The following SACS variants were observed in gnomAD, a reference collection of about 807,000 sequenced individuals.
The protein encoded by SACS is sacsin molecular chaperone.
SACS carries 197 observed loss-of-function variants against 348.0 expected under a neutral mutation model. The observed-to-expected ratio is 0.57, with a 90% CI of 0.50 to 0.64. The LOEUF (loss-of-function observed/expected upper bound fraction) is 0.64. SACS is among the 30% of genes least tolerant of loss of function. The probability of loss-of-function intolerance (pLI) is 0.00; values close to 1 mark genes in which losing one functional copy is unlikely to be tolerated. For synonymous variants in SACS, 1,985 were observed against 1,910.6 expected (o/e 1.04, Z -1.02); for missense variants, 4,999 against 5,360.8 (o/e 0.93, Z 2.11).
intron 9 of SACS, among the ~76,000 whole-genome samples, chr13:23,352,264 CAGAA>C (rs371567629): frequency 6.6e-6 from 1 of 152,330 alleles, no homozygotes; most frequent in African/African-American, 2.4e-5. Flanking sequence ...CCGTAACAAT[CAGAA>C]AGAACTGTTA....
intron 2 of SACS, among the ~76,000 whole-genome samples, chr13:23,399,037 A>AAAAAAAAAAAAAAAAT (rs55848856): frequency 6.7e-6 from 1 of 149,750 alleles, no homozygotes; most frequent in Non-Finnish European, 1.5e-5. Flanking sequence ...AAAAAAAAAA[A>AAAAAAAAAAAAAAAAT]CATGGATGCC....
Position 23,339,762 on chromosome 13 carries a change from G to A in SACS, c.4114C>T (p.Pro1372Ser). 1 of 1,614,080 alleles carries A rather than the reference G, an allele frequency of 6.2e-7. No homozygotes were observed. The highest frequency in any genetic ancestry group is 8.5e-7 in the Non-Finnish European group (1 of 1,179,982). The change falls in exon 10 of 10, where the codon CCA (proline) becomes TCA (serine). Residue 1372 changes from proline (P) to serine (S), a missense_variant. By Grantham distance (74) the Pro-to-Ser change is moderately conservative. Coordinates refer to ENST00000382292, the MANE Select transcript of SACS (RefSeq NM_014363.6). ...IIRWLYSNQI[P>S]ASPNTPVPIH... ...GGAACTGGTGTGTTGGGGCTTGCTG[G>A]AATCTGATTGCTATACAGCCATCTG...
chr13:23,345,749 G>A (rs1869557821), intron 9 of SACS, among the ~76,000 whole-genome samples: 1 of 151,850 alleles, frequency 6.6e-6, no homozygotes, highest in Non-Finnish European at 1.5e-5. Flanking sequence ...ATAATGACTT[G>A]GTTTCTAAAC....
intron 1 of SACS, among the ~76,000 whole-genome samples, 161 bp downstream of exon 1, chr13:23,433,454 A>C (rs1325813125): frequency 1.3e-5 from 2 of 152,194 alleles, no homozygotes; most frequent in East Asian, 3.9e-4. Context: ...GGTATGTTAA[A>C]GGAAAGTGGC....
chr13:23,375,735 AG>A (rs1871761255), intron 2 of SACS, among the ~76,000 whole-genome samples: 1 of 151,068 alleles, frequency 6.6e-6, no homozygotes, highest in African/African-American at 2.4e-5. Flanking sequence ...CAGTTAGCGA[AG>A]GAGCCGCCCC....
intron 2 of SACS, among the ~76,000 whole-genome samples, chr13:23,392,060 C>T (rs981696020): frequency 1.3e-5 from 2 of 152,148 alleles, no homozygotes; most frequent in African/African-American, 4.8e-5. Context: ...TAAAATGGAG[C>T]CCGGAGCTGG....
In SACS at chr13:23,412,502, C is replaced by T. The variant is rs116087245; in HGVS notation, c.-501-762G>A. Among the ~76,000 whole-genome samples, 881 of 151,498 alleles carry T rather than the reference C, an allele frequency of 5.8e-3. 3 individuals carry two copies. The highest frequency in any genetic ancestry group is 0.02 in the African/African-American group (834 of 41,160). ...GATCTTGGCTCACTGCAACATCTAC[C>T]TCCCGAGTTCAAGTGATTCTTCTGC... On this transcript the variant is annotated intron_variant, in intron 1 of 9. Coordinates refer to ENST00000382292, the MANE Select transcript of SACS (RefSeq NM_014363.6).
At chr13:23,411,909 C>G (rs1226431305) in intron 1 of SACS, among the ~76,000 whole-genome samples, 169 bp from the exon 2 acceptor site, 1 of 152,230 alleles carries the variant, frequency 6.6e-6, no homozygotes, top group Non-Finnish European at 1.5e-5. Context: ...GCATGGCATT[C>G]GTTTCTGGCC....
At chr13:23,345,874 G>A (rs1028953439) in intron 9 of SACS, among the ~76,000 whole-genome samples, 8 of 151,936 alleles carry the variant, frequency 5.3e-5, no homozygotes, top group African/African-American at 1.9e-4. Context: ...GGGGAAAATA[G>A]GACCACTAGT....
chr13:23,409,813 C>T (rs559692917), intron 2 of SACS, among the ~76,000 whole-genome samples: 4 of 152,142 alleles, frequency 2.6e-5, no homozygotes, highest in South Asian at 2.1e-4. Flanking sequence ...AAAATACACG[C>T]AAAGTTAATT....
At chr13:23,359,046 G>A (rs1328847399) in intron 6 of SACS, among the ~76,000 whole-genome samples, 3 of 152,058 alleles carry the variant, frequency 2.0e-5, no homozygotes, top group East Asian at 3.9e-4. Flanking sequence ...GCTGGGCATG[G>A]TGGCACGCGC....
At chr13:23,385,789 T>C (rs1478291751) in intron 2 of SACS, among the ~76,000 whole-genome samples, 2 of 152,250 alleles carry the variant, frequency 1.3e-5, no homozygotes, top group East Asian at 3.8e-4. Context: ...ATTTCTTAAA[T>C]AATAAGACTT....
At position 23,376,387 on chromosome 13, in the gene SACS, CA is replaced by C. The variant is rs34834210; in HGVS notation, c.21-1119del. Among the ~76,000 whole-genome samples the C allele has an allele frequency of 1.0e-3, 139 of 139,094 alleles. 1 individual carries two copies. The highest frequency in any genetic ancestry group is 2.8e-3 in the South Asian group (12 of 4,342). 91.3% of individuals were successfully genotyped at this position (139,094 alleles called of 152,430 possible). ...TCTTAGGTATATATGATACACATTG[CA>C]AAAAAAAAAAGTGACATCTATTAAG... On this transcript the variant is annotated intron_variant, in intron 2 of 9. Coordinates refer to ENST00000382292, the MANE Select transcript of SACS (RefSeq NM_014363.6).
intron 1 of SACS, among the ~76,000 whole-genome samples, chr13:23,432,821 G>A (rs1305684951): frequency 6.6e-6 from 1 of 152,144 alleles, no homozygotes; most frequent in Non-Finnish European, 1.5e-5. Context: ...TTTTACTTAA[G>A]CGGAATGGGC....
intron 2 of SACS, among the ~76,000 whole-genome samples, chr13:23,398,689 G>C (rs1304611150): frequency 3.3e-5 from 5 of 152,092 alleles, no homozygotes; most frequent in Non-Finnish European, 7.3e-5. Context: ...TTGAGATCTG[G>C]GATCAACGGA....
rs1342628164 is a variant in SACS at position 23,336,362 on chromosome 13, G to C, written c.7514C>G (p.Ala2505Gly). 1 of 1,613,936 alleles carries C rather than the reference G, an allele frequency of 6.2e-7. No individual in the cohort carries two copies. Among genetic ancestry groups the C allele is most frequent in the Non-Finnish European group, 8.5e-7 (1 of 1,179,948 alleles). The stretch of plus-strand genomic sequence containing the variant: ...GACATTGGATGCATATCTTTCTAAG[G>C]CTTTGTGTCGCTTTGGGACTGCTCC... ...KLGAVPKRHK[A>G]LERYASNVCF... Residue 2505 changes from alanine to glycine, a missense_variant, in exon 10 of 10, where the codon GCC becomes GGC. Ala to Gly is a moderately conservative substitution (Grantham distance 60). Around this residue, in one of 6 missense-constraint regions of SACS, gnomAD observed 3,156 missense variants for 3,380.1 expected, o/e 0.93. Coordinates refer to ENST00000382292, the MANE Select transcript of SACS (RefSeq NM_014363.6).
At chr13:23,422,656 G>A (rs1340896004) in intron 1 of SACS, among the ~76,000 whole-genome samples, 1 of 108,496 alleles carries the variant, frequency 9.2e-6, no homozygotes, top group Admixed American at 1.1e-4. Context: ...TTGTGATGTG[G>A]TGTTTCTTTT....
chr13:23,354,507 G>C lies in SACS; in HGVS notation c.2093+12C>G. 1 of 1,612,474 alleles carries C rather than the reference G, an allele frequency of 6.2e-7. No individual in the cohort carries two copies. Among genetic ancestry groups the C allele is most frequent in the Non-Finnish European group, 8.5e-7 (1 of 1,178,608 alleles). ...TAAGAGTGAACAGGAATGTTAGAAG[G>C]GGGACCCCTACCTTGGATATTCTGC... is the stretch of plus-strand genomic sequence containing the variant. On this transcript the variant is annotated intron_variant, in intron 8 of 9. Coordinates refer to ENST00000382292, the MANE Select transcript of SACS (RefSeq NM_014363.6).
At chr13:23,363,010 A>C (rs1870834956) in intron 6 of SACS, among the ~76,000 whole-genome samples, 1 of 150,088 alleles carries the variant, frequency 6.7e-6, no homozygotes, top group South Asian at 2.1e-4. Flanking sequence ...CCCGGGTTCA[A>C]GGGTTCTCCT....
Sources: gnomAD v4.1 joint callset for allele counts (sites outside exome capture counted in the v4.1 genomes callset) on GRCh38, gnomAD v4.1.1 for gene constraint, gnomAD v4.1.1 regional missense constraint, MANE v1.5 for transcripts, NCBI Gene and HGNC (gene_info 2026-07-23, HGNC 2026-07-21) for gene names.